The following PATJ variants were observed in gnomAD, a reference collection of about 807,000 sequenced individuals.
PATJ encodes PATJ crumbs cell polarity complex component.
In PATJ, 190 loss-of-function variants were observed where a neutral mutation model predicts 224.9. The observed-to-expected ratio is 0.84, with a 90% CI of 0.75 to 0.95. PATJ has a LOEUF of 0.95. Among genes scored for constraint, PATJ ranks in the 40% least tolerant of loss-of-function variants. The probability of loss-of-function intolerance (pLI) is 0.00; values close to 1 mark genes in which losing one functional copy is unlikely to be tolerated. For synonymous variants in PATJ, 769 were observed against 820.3 expected (o/e 0.94, Z 1.07); for missense variants, 2,121 against 2,270.3 (o/e 0.93, Z 1.34).
At chr1:62,142,133 A>C (rs1263706051) in intron 41 of PATJ, among the ~76,000 whole-genome samples, 1 of 151,594 alleles carries the variant, frequency 6.6e-6, no homozygotes, top group Non-Finnish European at 1.5e-5. Context: ...TTAAAAAAAA[A>C]CACTATTTTA....
At chr1:61,815,139 CAGGGA>C (rs1570671558) in intron 14 of PATJ, among the ~76,000 whole-genome samples, 1 of 152,138 alleles carries the variant, frequency 6.6e-6, no homozygotes, top group African/African-American at 2.4e-5. Context: ...CAGAGGGAGC[CAGGGA>C]AAGCCTTTCT....
chr1:62,129,922 G>C (rs756599462), intron 41 of PATJ, among the ~76,000 whole-genome samples: 1 of 152,170 alleles, frequency 6.6e-6, no homozygotes, highest in Non-Finnish European at 1.5e-5. Context: ...CTGGGTGACA[G>C]AGTGAGACTG....
intron 29 of PATJ, among the ~76,000 whole-genome samples, chr1:62,020,923 T>C (rs1647042045): frequency 6.6e-6 from 1 of 152,102 alleles, no homozygotes; most frequent in Admixed American, 6.6e-5. Context: ...CCTCCCAGGC[T>C]CAAACAATTC....
chr1:62,106,058 A>AT (rs1662880889), intron 33 of PATJ, among the ~76,000 whole-genome samples: 2 of 41,298 alleles, frequency 4.8e-5, no homozygotes, highest in African/African-American at 9.2e-5. Context: ...AAAAAAAAAA[A>AT]AAAAAATATA....
At chr1:61,869,849 G>C (rs1240045807) in intron 20 of PATJ, among the ~76,000 whole-genome samples, 1 of 152,242 alleles carries the variant, frequency 6.6e-6, no homozygotes, top group Non-Finnish European at 1.5e-5. Context: ...GCACTCAGGT[G>C]AGCGGGTGCA....
intron 27 of PATJ, among the ~76,000 whole-genome samples, chr1:61,945,447 G>A (rs1216329228): frequency 6.6e-6 from 1 of 151,522 alleles, no homozygotes; most frequent in Non-Finnish European, 1.5e-5. Context: ...TGATAAAACA[G>A]ACTTTAAACC....
At chr1:62,156,054 TAAAAAAAAAAA>T (rs34300724) in intron 43 of PATJ, among the ~76,000 whole-genome samples, 8 of 43,064 alleles carry the variant, frequency 1.9e-4, no homozygotes, top group South Asian at 2.6e-3. Flanking sequence ...CAAGACTCTG[TAAAAAAAAAAA>T]AAAAAAAAAA....
At chr1:61,768,012 G>A (rs1372344926) in intron 4 of PATJ, among the ~76,000 whole-genome samples, 1 of 151,858 alleles carries the variant, frequency 6.6e-6, no homozygotes, top group African/African-American at 2.4e-5. Flanking sequence ...TTTTTATGTG[G>A]TGCTTTTTTT....
intron 26 of PATJ, among the ~76,000 whole-genome samples, chr1:61,923,162 C>T (rs12563347): frequency 3.3e-5 from 5 of 152,194 alleles, no homozygotes; most frequent in African/African-American, 4.8e-5. Context: ...CTAGCCACTG[C>T]GTTAATGTGG....
chr1:62,068,309 G>GGTTT (rs1182872546), intron 31 of PATJ, among the ~76,000 whole-genome samples: 1 of 152,280 alleles, frequency 6.6e-6, no homozygotes, highest in South Asian at 2.1e-4. Context: ...AAGGGCTAGA[G>GGTTT]GTTTGTTTGT....
At chr1:62,063,748 A>G (rs1655933664) in intron 31 of PATJ, among the ~76,000 whole-genome samples, 1 of 151,894 alleles carries the variant, frequency 6.6e-6, no homozygotes, top group Admixed American at 6.6e-5. Flanking sequence ...ATCCCTAGGT[A>G]TTTTTTTGTG....
intron 8 of PATJ, among the ~76,000 whole-genome samples, chr1:61,789,527 C>T (rs1649320729): frequency 6.6e-6 from 1 of 151,716 alleles, no homozygotes; most frequent in Non-Finnish European, 1.5e-5. Flanking sequence ...TAAAAAGTTT[C>T]TCCAGCCGGT....
chr1:62,136,558 C>T (rs1666892483), intron 41 of PATJ, among the ~76,000 whole-genome samples: 1 of 149,172 alleles, frequency 6.7e-6, no homozygotes, highest in South Asian at 2.1e-4. Flanking sequence ...ATCACCTTAA[C>T]TTTACAGCCT....
Position 62,050,979 on chromosome 1 carries a change from C to G in PATJ, c.4046C>G (p.Thr1349Ser), listed in dbSNP as rs760657364. 1.2e-5 allele frequency: 19 copies of G among 1,613,656 alleles called. No homozygotes were observed. Among genetic ancestry groups the G allele is most frequent in the Non-Finnish European group, 1.5e-5 (18 of 1,179,706 alleles). The change falls in exon 31 of 44, where the codon ACC becomes AGC. Residue 1349 changes from threonine (T) to serine (S), a missense_variant. By Grantham distance (58) the Thr-to-Ser change is moderately conservative (BLOSUM62 1). Transcript: ENST00000642238. ...AACGTTCCATAGGATCAGAGCGGCA[C>G]CGAACCTATTAGTAGTGAGGAAGAT... ...SPSSIEDQSGTEPISSEEDGS... is the reference protein window; with the variant it reads ...SPSSIEDQSGSEPISSEEDGS...
At chr1:61,803,838 A>G (rs755653707) in intron 12 of PATJ, among the ~76,000 whole-genome samples, 17 of 152,136 alleles carry the variant, frequency 1.1e-4, no homozygotes, top group Non-Finnish European at 1.6e-4. Context: ...TGTCTTTGGA[A>G]TAATTATTTC....
intron 27 of PATJ, among the ~76,000 whole-genome samples, chr1:61,936,675 G>A (rs906582535): frequency 2.6e-5 from 4 of 151,898 alleles, no homozygotes; most frequent in African/African-American, 7.3e-5. Context: ...GGGTTCAAGC[G>A]ATTCTCGTGC....
At chr1:61,928,541 A>G (rs1379907629) in intron 27 of PATJ, among the ~76,000 whole-genome samples, 2 of 152,150 alleles carry the variant, frequency 1.3e-5, no homozygotes, top group Non-Finnish European at 2.9e-5. Context: ...TCCCTTCTAC[A>G]ATATAGAAAA....
chr1:62,123,190 A>C lies in PATJ; in HGVS notation c.5043+132A>C, dbSNP rs575320220. 4.8e-6 allele frequency: 3 copies of C among 627,632 alleles called. No individual in the cohort carries two copies. In the South Asian group the frequency reaches 7.3e-5, roughly 15 times the overall value. 38.9% of individuals were successfully genotyped at this position (627,632 alleles called of 1,614,324 possible). A position where few individuals can be genotyped will look rare whatever the true frequency, so the allele number is the denominator to read the frequency against. Reference sequence around the variant, plus strand: ...AGTTACTGAGATAAAAATATGGTCTAAATAACATCAATAAATAGACTTAGA... The same window carrying C: ...AGTTACTGAGATAAAAATATGGTCTCAATAACATCAATAAATAGACTTAGA... On this transcript the variant is annotated intron_variant, in intron 39 of 43. Transcript: ENST00000642238.
intron 29 of PATJ, among the ~76,000 whole-genome samples, chr1:62,023,592 T>C (rs540049588): frequency 1.3e-4 from 20 of 152,258 alleles, no homozygotes; most frequent in African/African-American, 4.8e-4. Flanking sequence ...ATGTAGTCTT[T>C]GGGGCCCATG....
Sources: allele counts gnomAD v4.1 joint callset (sites outside exome capture counted in the v4.1 genomes callset), GRCh38; gene constraint gnomAD v4.1.1; transcripts MANE v1.5; gene names NCBI Gene and HGNC (gene_info 2026-07-23, HGNC 2026-07-21).